The following AGPS variants were observed in gnomAD, a reference collection of about 807,000 sequenced individuals.
AGPS encodes alkyldihydroxyacetonephosphate synthase, peroxisomal.
A neutral mutation model predicts 90.7 loss-of-function variants in AGPS; 26 were observed. The ratio of observed to expected loss-of-function variants is 0.29; its 90% CI spans 0.21 to 0.40. The LOEUF (loss-of-function observed/expected upper bound fraction) is 0.40. Among genes scored for constraint, AGPS ranks in the 10% least tolerant of loss-of-function variants. The pLI is 1.00. For missense variants in AGPS, 540 were observed against 816.1 expected (o/e 0.66, Z 4.12); for synonymous variants, 294 against 285.3 (o/e 1.03, Z -0.31).
In AGPS at chr2:177,392,879, C is replaced by T. The variant is rs1283207251; in HGVS notation, c.90C>T (p.Asp30=). The part of the protein sequence containing the change: ...GSAADRDRDP[D]PDRAGRRLRV... The stretch of plus-strand genomic sequence containing the variant: ...CAGCGGACCGGGACCGGGACCCGGA[C>T]CCGGACCGCGCCGGGCGGAGGCTGC... The change falls in exon 1 of 20, where the codon GAC becomes GAT. Residue 30 remains aspartate (D), a synonymous_variant. Transcript: ENST00000264167. 1.9e-6 allele frequency: 3 copies of T among 1,551,562 alleles called. No individual in the cohort carries two copies. In the African/African-American group the frequency reaches 4.1e-5, roughly 21 times the overall value.
chr2:177,477,371 C>T (rs779777633), intron 10 of AGPS, among the ~76,000 whole-genome samples: 3 of 151,974 alleles, frequency 2.0e-5, no homozygotes, highest in African/African-American at 4.8e-5. Flanking sequence ...CTAACATTAC[C>T]ACTATATATA....
intron 10 of AGPS, among the ~76,000 whole-genome samples, chr2:177,481,632 G>A (rs1168442014): frequency 6.6e-6 from 1 of 151,824 alleles, no homozygotes; most frequent in African/African-American, 2.4e-5. Flanking sequence ...CTCATTGAAG[G>A]TTAGGGTTTT....
At chr2:177,525,701 G>A (rs1867905) in intron 19 of AGPS, among the ~76,000 whole-genome samples, 128,050 of 152,126 alleles carry the variant, frequency 0.84, 54,086 homozygotes, top group East Asian at 0.95. Context: ...AGTTTATTCA[G>A]TCTTTATACA....
intron 1 of AGPS, among the ~76,000 whole-genome samples, chr2:177,397,990 TCATTGTACTCCAGGCTGGACGA>T (rs1179754810): frequency 1.3e-5 from 2 of 152,104 alleles, no homozygotes; most frequent in African/African-American, 2.4e-5. Context: ...TGAGATTGCG[TCATTGTACTCCAGGCTGGACGA>T]CAGGGCGAGA....
intron 18 of AGPS, among the ~76,000 whole-genome samples, chr2:177,522,744 G>A (rs1047566688): frequency 1.3e-5 from 2 of 152,164 alleles, no homozygotes; most frequent in African/African-American, 4.8e-5. Flanking sequence ...GTGAGCTACC[G>A]CACACAGCCG....
rs966201185 is a variant in AGPS at position 177,541,225 on chromosome 2, A to G, written c.*3030A>G. On this transcript the variant is annotated 3_prime_UTR_variant, in exon 20 of 20. Coordinates refer to ENST00000264167, the MANE Select transcript of AGPS (RefSeq NM_003659.4). ...GGTATACCAGATACAGATGGTTGCAAGGAAACCTTTTCCCCCACTAGAATA... is the reference window on the plus strand; with the variant it reads ...GGTATACCAGATACAGATGGTTGCAGGGAAACCTTTTCCCCCACTAGAATA... The G allele has an allele frequency of 6.6e-6, 1 of 152,140 alleles. No homozygotes were observed. Among genetic ancestry groups the G allele is most frequent in the African/African-American group, 2.4e-5 (1 of 41,448 alleles). 9.4% of individuals were successfully genotyped at this position (152,140 alleles called of 1,614,324 possible). A position where few individuals can be genotyped will look rare whatever the true frequency, so the allele number is the denominator to read the frequency against.
chr2:177,461,674 A>G (rs1687295847), intron 8 of AGPS, among the ~76,000 whole-genome samples: 1 of 151,988 alleles, frequency 6.6e-6, no homozygotes, highest in African/African-American at 2.4e-5. Flanking sequence ...TTTGGCCTAC[A>G]TTTTTTAATC....
chr2:177,477,025 G>A (rs775539049), intron 10 of AGPS, among the ~76,000 whole-genome samples: 1 of 151,802 alleles, frequency 6.6e-6, no homozygotes, highest in Non-Finnish European at 1.5e-5. Flanking sequence ...CGATCTAGTC[G>A]TATCTCTGAA....
At chr2:177,454,146 G>A (rs1347232553) in intron 8 of AGPS, among the ~76,000 whole-genome samples, 1 of 151,056 alleles carries the variant, frequency 6.6e-6, no homozygotes, top group African/African-American at 2.4e-5. Flanking sequence ...GAAAAACTTT[G>A]TCCATTATTT....
intron 12 of AGPS, among the ~76,000 whole-genome samples, chr2:177,495,931 A>C (rs1688401239): frequency 6.6e-6 from 1 of 151,496 alleles, no homozygotes; most frequent in African/African-American, 2.4e-5. Flanking sequence ...AAAAAAAAAA[A>C]AAAAAAACAA....
chr2:177,398,475 G>A (rs546106831), intron 1 of AGPS, among the ~76,000 whole-genome samples: 29 of 152,260 alleles, frequency 1.9e-4, no homozygotes, highest in African/African-American at 6.7e-4. Flanking sequence ...TTTATCTAAG[G>A]CCTTGCATTT....
chr2:177,526,227 CTTTTTT>C lies in AGPS; in HGVS notation c.1855+2437_1855+2442del, dbSNP rs749224337. Reference sequence around the variant, plus strand: ...GCAAATAATGTAAATAGCTTCTTGTCTTTTTTTTTTTTTTTTTTTTGATACTGAGTC... The same window carrying C: ...GCAAATAATGTAAATAGCTTCTTGTCTTTTTTTTTTTTTTGATACTGAGTC... On this transcript the variant is annotated intron_variant, in intron 19 of 19. Transcript: ENST00000264167. Among the ~76,000 whole-genome samples the C allele has an allele frequency of 2.5e-3, 305 of 124,302 alleles. 2 individuals are homozygous for C. The highest frequency in any genetic ancestry group is 5.8e-3 in the African/African-American group (191 of 32,830). 81.5% of individuals were successfully genotyped at this position (124,302 alleles called of 152,430 possible).
rs757478381 is a variant in AGPS, at chr2:177,499,583, C to A, written c.1363-35C>A. On this transcript the variant is annotated intron_variant, in intron 13 of 19. Coordinates refer to ENST00000264167, the MANE Select transcript of AGPS (RefSeq NM_003659.4). The stretch of plus-strand genomic sequence containing the variant: ...TGATTTATTGTTTTGTAGGATAAGA[C>A]TTATCTGTAATAATAAATTTTTTTT... 7 of 1,331,026 alleles carry A rather than the reference C, an allele frequency of 5.3e-6. No individual in the cohort carries two copies. The African/African-American group carries it at 1.0e-4, about 20-fold the overall frequency. The allele number at this position is 1,331,026 out of a possible 1,614,324, so 82.5% of individuals were successfully genotyped here. A position where few individuals can be genotyped will look rare whatever the true frequency, so the allele number is the denominator to read the frequency against.
At chr2:177,461,582 A>G (rs536311903) in intron 8 of AGPS, among the ~76,000 whole-genome samples, 22 of 152,282 alleles carry the variant, frequency 1.4e-4, no homozygotes, top group Admixed American at 1.0e-3. Flanking sequence ...AGAAAAAAAA[A>G]GTGGGGAAGG....
Position 177,482,122 on chromosome 2 carries a change from A to G in AGPS, c.1169A>G (p.Tyr390Cys). The G allele has an allele frequency of 6.2e-7, 1 of 1,606,498 alleles. No individual in the cohort carries two copies. The highest frequency in any genetic ancestry group is 1.1e-5 in the South Asian group (1 of 90,774). Reference sequence around the variant, plus strand: ...AGACCAGTCCCTGAATACCAAAAGTATGGCTCAGTAGCTTTCCCTAATTTT... The same window carrying G: ...AGACCAGTCCCTGAATACCAAAAGTGTGGCTCAGTAGCTTTCCCTAATTTT... ...KIRPVPEYQKYGSVAFPNFEQ... is the reference protein window; with the variant it reads ...KIRPVPEYQKCGSVAFPNFEQ... The change falls in exon 11 of 20, where the codon TAT becomes TGT. Residue 390 changes from tyrosine to cysteine, a missense_variant. This residue lies in a region of AGPS where 405 missense variants were observed against 692.1 expected (regional missense o/e 0.59). Coordinates refer to ENST00000264167, the MANE Select transcript of AGPS (RefSeq NM_003659.4).
rs190404854 is a variant in AGPS at position 177,405,499 on chromosome 2, C to A, written c.260+12450C>A. ...TTCTCTTTGTTGATTTTTCCTGCTGCTTAAAAGCATGCTCAGATAACGTTT... is the reference window on the plus strand; with the variant it reads ...TTCTCTTTGTTGATTTTTCCTGCTGATTAAAAGCATGCTCAGATAACGTTT... On this transcript the variant is annotated intron_variant, in intron 1 of 19. Coordinates refer to ENST00000264167, the MANE Select transcript of AGPS (RefSeq NM_003659.4). 5.3e-5 allele frequency among the ~76,000 whole-genome samples: 8 copies of A among 152,274 alleles called. No individual in the cohort carries two copies. The East Asian group carries it at 1.5e-3, about 29-fold the overall frequency.
At chr2:177,506,017 T>C (rs1688699770) in intron 15 of AGPS, among the ~76,000 whole-genome samples, 1 of 151,958 alleles carries the variant, frequency 6.6e-6, no homozygotes, top group Non-Finnish European at 1.5e-5. Flanking sequence ...AAAGAAATAA[T>C]TATGTGTACT....
At chr2:177,533,504 G>A (rs2079156168) in intron 19 of AGPS, among the ~76,000 whole-genome samples, 1 of 152,138 alleles carries the variant, frequency 6.6e-6, no homozygotes, top group Non-Finnish European at 1.5e-5. Context: ...CTAGCCTCAG[G>A]TATATCACCA....
chr2:177,471,572 G>C (rs1480994241), intron 10 of AGPS, among the ~76,000 whole-genome samples: 1 of 152,092 alleles, frequency 6.6e-6, no homozygotes, highest in Admixed American at 6.5e-5. Context: ...GAAAAACAAA[G>C]TACATTTTTG....
Sources: gnomAD v4.1 joint callset for allele counts (sites outside exome capture counted in the v4.1 genomes callset) on GRCh38, gnomAD v4.1.1 for gene constraint, gnomAD v4.1.1 regional missense constraint, MANE v1.5 for transcripts, NCBI Gene and HGNC (gene_info 2026-07-23, HGNC 2026-07-21) for gene names.